Variants in CDK19 observed in about 807,000 individuals in gnomAD.
CDK19 encodes cyclin-dependent kinase 19.
CDK19 carries 20 observed loss-of-function variants against 68.3 expected under a neutral mutation model. The ratio of observed to expected loss-of-function variants is 0.29; its 90% confidence interval spans 0.21 to 0.43. CDK19 has a LOEUF of 0.43. Ranked by LOEUF, CDK19 falls within the 20% of genes least tolerant of loss-of-function variation. The probability of loss-of-function intolerance (pLI) is 1.00; values close to 1 mark genes in which losing one functional copy is unlikely to be tolerated. For missense variants in CDK19, 339 were observed against 623.5 expected (o/e 0.54, Z 4.86); for synonymous variants, 221 against 222.8 (o/e 0.99, Z 0.07).
chr6:110,649,905 T>C (rs1317636965), intron 4 of CDK19, among the ~76,000 whole-genome samples: 1 of 152,174 alleles, frequency 6.6e-6, no homozygotes, highest in African/African-American at 2.4e-5. Flanking sequence ...TGGTACAACT[T>C]CTTTGGAAAA....
Position 110,614,575 on chromosome 6 carries a change from C to A in CDK19, c.1469G>T (p.Ser490Ile). The change falls in exon 13 of 13, where the codon AGC becomes ATC. Residue 490 changes from serine to isoleucine, a missense_variant. Around this residue, in one of 4 missense-constraint regions of CDK19, gnomAD observed 155 missense variants for 222.7 expected, o/e 0.70. Transcript: ENST00000368911. ...TLGYSSSSQQ[S>I]SQYHPSHQAH... Reference sequence around the variant, plus strand: ...CTGGTGAGATGGGTGGTACTGTGAGCTCTGCTGAGACGAGGAAGAGTAGCC... The same window carrying A: ...CTGGTGAGATGGGTGGTACTGTGAGATCTGCTGAGACGAGGAAGAGTAGCC... The A allele has an allele frequency of 6.2e-7, 1 of 1,614,018 alleles. No homozygotes were observed. The highest frequency in any genetic ancestry group is 1.1e-5 in the South Asian group (1 of 91,078).
chr6:110,735,111 CTT>C (rs71733873), intron 2 of CDK19, among the ~76,000 whole-genome samples: 5 of 146,024 alleles, frequency 3.4e-5, no homozygotes, highest in Non-Finnish European at 1.5e-5. Flanking sequence ...TTTTAATCTT[CTT>C]TTTTTTTTTT....
intron 1 of CDK19, among the ~76,000 whole-genome samples, chr6:110,759,426 AAAATATATAT>A (rs1201143982): frequency 8.7e-4 from 81 of 92,692 alleles, no homozygotes; most frequent in African/African-American, 3.9e-3. Flanking sequence ...AAAAAAAAAA[AAAATATATAT>A]ATATATATAT....
rs1474754395 is a variant in CDK19 at position 110,612,273 on chromosome 6, T to A, written c.*2262A>T. ...TGTTCTGCCTACAAGGACCACCCAG[T>A]TGTTGTTAAAAGGCTGCTGTGAACA... On this transcript the variant is annotated 3_prime_UTR_variant, in exon 13 of 13. Coordinates refer to ENST00000368911, the MANE Select transcript of CDK19 (RefSeq NM_015076.5). The A allele has an allele frequency of 1.3e-5, 2 of 152,282 alleles. No individual in the cohort carries two copies. The highest frequency in any genetic ancestry group is 3.9e-4 in the East Asian group (2 of 5,190). 9.4% of individuals were successfully genotyped at this position (152,282 alleles called of 1,614,324 possible). A position where few individuals can be genotyped will look rare whatever the true frequency, so the allele number is the denominator to read the frequency against.
At chr6:110,810,365 T>C (rs1173876727) in intron 1 of CDK19, among the ~76,000 whole-genome samples, 1 of 152,142 alleles carries the variant, frequency 6.6e-6, no homozygotes, top group Non-Finnish European at 1.5e-5. Context: ...TATAGGAAAA[T>C]GACACTAGCA....
Position 110,620,689 on chromosome 6 carries a change from T to C in CDK19, c.1377+415A>G, listed in dbSNP as rs182694061. On this transcript the variant is annotated intron_variant, in intron 12 of 12. Transcript: ENST00000368911. ...AGTCTTAGCCCCCTTCTCTTCTTTA[T>C]CTATGTAGCTACTTCCTCCCAGAAA... Among the ~76,000 whole-genome samples the C allele has an allele frequency of 5.3e-5, 8 of 152,330 alleles. No individual in the cohort carries two copies. In the East Asian group the frequency reaches 1.4e-3, roughly 26 times the overall value.
chr6:110,701,203 C>CA (rs2114636631), intron 2 of CDK19, among the ~76,000 whole-genome samples: 2 of 146,642 alleles, frequency 1.4e-5, no homozygotes, highest in Middle Eastern at 3.9e-3. Flanking sequence ...GACTCCATCT[C>CA]AAAAAAAATT....
At chr6:110,651,194 T>C (rs1194186423) in intron 4 of CDK19, among the ~76,000 whole-genome samples, 1 of 152,142 alleles carries the variant, frequency 6.6e-6, no homozygotes, top group African/African-American at 2.4e-5. Context: ...TATTATCTTC[T>C]GTCTTATCCA....
intron 8 of CDK19, among the ~76,000 whole-genome samples, chr6:110,623,910 C>T (rs535368696): frequency 1.6e-5 from 2 of 121,938 alleles, no homozygotes; most frequent in Admixed American, 8.5e-5. Context: ...TATATATATA[C>T]GTATATATAT....
chr6:110,760,694 C>T (rs1025495374), intron 1 of CDK19, among the ~76,000 whole-genome samples: 7 of 152,130 alleles, frequency 4.6e-5, no homozygotes, highest in African/African-American at 1.4e-4. Flanking sequence ...CATCATTGTA[C>T]TCCAGCCTGG....
At chr6:110,707,478 C>T (rs1175569900) in intron 2 of CDK19, among the ~76,000 whole-genome samples, 1 of 152,070 alleles carries the variant, frequency 6.6e-6, no homozygotes, top group East Asian at 1.9e-4. Flanking sequence ...GGATACAGAT[C>T]ATATCATCTA....
At position 110,612,078 on chromosome 6, in the gene CDK19, T is replaced by C. The variant is rs1375344514; in HGVS notation, c.*2457A>G. On this transcript the variant is annotated 3_prime_UTR_variant, in exon 13 of 13. Coordinates refer to ENST00000368911, the MANE Select transcript of CDK19 (RefSeq NM_015076.5). ...GGAAAACAGGGTAGTTCTGTGAATG[T>C]ATAAGCGTAAGAACTATTTAACAAT... is the stretch of plus-strand genomic sequence containing the variant. 6.6e-6 allele frequency: 1 copy of C among 152,260 alleles called. No homozygotes were observed. Among genetic ancestry groups the C allele is most frequent in the African/African-American group, 2.4e-5 (1 of 41,468 alleles). The allele number at this position is 152,260 out of a possible 1,614,324, so 9.4% of individuals were successfully genotyped here. A position where few individuals can be genotyped will look rare whatever the true frequency, so the allele number is the denominator to read the frequency against.
intron 1 of CDK19, among the ~76,000 whole-genome samples, chr6:110,751,508 G>C (rs1343725161): frequency 6.6e-6 from 1 of 152,022 alleles, no homozygotes; most frequent in African/African-American, 2.4e-5. Context: ...CTGATTCTAC[G>C]TTATGGTGAG....
At chr6:110,743,648 A>T (rs2114864187) in intron 2 of CDK19, among the ~76,000 whole-genome samples, 1 of 152,266 alleles carries the variant, frequency 6.6e-6, no homozygotes, top group Non-Finnish European at 1.5e-5. Context: ...TCTCCTACAA[A>T]AAAAAAAGAA....
chr6:110,755,127 G>A (rs1418785957), intron 1 of CDK19, among the ~76,000 whole-genome samples: 4 of 148,220 alleles, frequency 2.7e-5, no homozygotes, highest in Non-Finnish European at 4.4e-5. Flanking sequence ...TACAACCTCC[G>A]CCTCCCAGGT....
chr6:110,620,248 A>G (rs1042985682), intron 12 of CDK19, among the ~76,000 whole-genome samples: 1 of 152,102 alleles, frequency 6.6e-6, no homozygotes, highest in Non-Finnish European at 1.5e-5. Flanking sequence ...CTTTCTTGTT[A>G]AAGTTTCTCT....
chr6:110,645,129 C>T (rs1250827040), intron 4 of CDK19, among the ~76,000 whole-genome samples: 1 of 152,148 alleles, frequency 6.6e-6, no homozygotes, highest in African/African-American at 2.4e-5. Flanking sequence ...ATATACACAA[C>T]TTTCTATCCA....
chr6:110,805,599 T>C (rs1782626692), intron 1 of CDK19, among the ~76,000 whole-genome samples: 1 of 152,294 alleles, frequency 6.6e-6, no homozygotes, highest in African/African-American at 2.4e-5. Flanking sequence ...ATACAAAAAG[T>C]TGGCCCTCAT....
intron 1 of CDK19, among the ~76,000 whole-genome samples, chr6:110,759,413 AAAAAAAAAAAAAAAAATATATATAT>A (rs1385343425): frequency 8.7e-6 from 1 of 115,548 alleles, no homozygotes; most frequent in African/African-American, 3.9e-5. Context: ...TTAAAAAAAA[AAAAAAAAAAAAAAAAATATATATAT>A]ATATATATAT....
Sources: allele counts gnomAD v4.1 joint callset (sites outside exome capture counted in the v4.1 genomes callset), GRCh38; gene constraint gnomAD v4.1.1; regional missense constraint gnomAD v4.1.1; transcripts MANE v1.5; gene names NCBI Gene and HGNC (gene_info 2026-07-23, HGNC 2026-07-21).